Variants in ZFPM2 observed in about 807,000 individuals in gnomAD.
ZFPM2 encodes the protein zinc finger protein, FOG family member 2, also known as zinc finger protein ZFPM2.
Under a neutral mutation model 98.6 loss-of-function variants are expected in ZFPM2, and 20 were observed. That is an observed-to-expected ratio of 0.20 (90% CI 0.14 to 0.29). The LOEUF (loss-of-function observed/expected upper bound fraction) is 0.29, where lower values mean the gene tolerates loss of function less well. Among genes scored for constraint, ZFPM2 ranks in the 10% least tolerant of loss-of-function variants. The pLI, the probability that ZFPM2 is intolerant of heterozygous loss-of-function variation, is 1.00. For missense variants in ZFPM2, 1,310 were observed against 1,388.6 expected (o/e 0.94, Z 0.90); for synonymous variants, 518 against 502.7 (o/e 1.03, Z -0.41).
chr8:105,372,277 C>T (rs554353193), intron 1 of ZFPM2, among the ~76,000 whole-genome samples: 2 of 151,874 alleles, frequency 1.3e-5, no homozygotes, highest in African/African-American at 4.8e-5. Context: ...CTGCTGACTT[C>T]GTGATCCACC....
chr8:105,455,259 A>G (rs955759898), intron 3 of ZFPM2, among the ~76,000 whole-genome samples: 13 of 152,206 alleles, frequency 8.5e-5, no homozygotes, highest in African/African-American at 2.9e-4. Context: ...TCTAGGTAAA[A>G]GGGTTGTAAA....
intron 1 of ZFPM2, among the ~76,000 whole-genome samples, chr8:105,381,689 A>C (rs1810892915): frequency 6.6e-6 from 1 of 152,172 alleles, no homozygotes; most frequent in African/African-American, 2.4e-5. Flanking sequence ...AAGACTATCA[A>C]GTGTGCTAAA....
intron 3 of ZFPM2, among the ~76,000 whole-genome samples, chr8:105,559,306 A>G (rs1193591114): frequency 6.6e-6 from 1 of 152,152 alleles, no homozygotes; most frequent in East Asian, 1.9e-4. Flanking sequence ...TACGTATTCT[A>G]TTTATATCTT....
rs1235132155 is a variant in ZFPM2, at chr8:105,371,419, T to C, written c.41-47725T>C. Among the ~76,000 whole-genome samples the C allele has an allele frequency of 2.6e-5, 4 of 152,132 alleles. No homozygotes were observed. In the South Asian group the frequency reaches 6.2e-4, roughly 24 times the overall value. On this transcript the variant is annotated intron_variant, in intron 1 of 7. Transcript: ENST00000407775. ...GTCTGGAAATAATGGAGGGTGGAGATAGTTACATTGTCAGCATCCAAGAAC... is the reference window on the plus strand; with the variant it reads ...GTCTGGAAATAATGGAGGGTGGAGACAGTTACATTGTCAGCATCCAAGAAC...
At chr8:105,640,458 A>G (rs1295761991) in intron 5 of ZFPM2, among the ~76,000 whole-genome samples, 1 of 152,040 alleles carries the variant, frequency 6.6e-6, no homozygotes, top group African/African-American at 2.4e-5. Flanking sequence ...AAATCATACT[A>G]TGACAGCCTT....
chr8:105,390,632 G>C (rs1391004189), intron 1 of ZFPM2, among the ~76,000 whole-genome samples: 2 of 152,144 alleles, frequency 1.3e-5, no homozygotes, highest in African/African-American at 2.4e-5. Flanking sequence ...GAAAGACAGA[G>C]ACATTCCTAT....
chr8:105,357,273 A>G (rs1302038374), intron 1 of ZFPM2, among the ~76,000 whole-genome samples: 1 of 151,988 alleles, frequency 6.6e-6, no homozygotes, highest in Non-Finnish European at 1.5e-5. Flanking sequence ...ATCCACAGCA[A>G]TTTTTCCTTT....
chr8:105,406,821 C>T (rs1161453231), intron 1 of ZFPM2, among the ~76,000 whole-genome samples: 6 of 151,892 alleles, frequency 4.0e-5, no homozygotes, highest in African/African-American at 7.3e-5. Context: ...CTAGAGGATA[C>T]GACTAGGGAT....
At chr8:105,673,187 C>CTTTTTTTTTTTTTTTTTTTTTT (rs5893754) in intron 5 of ZFPM2, among the ~76,000 whole-genome samples, 11 of 87,526 alleles carry the variant, frequency 1.3e-4, no homozygotes, top group African/African-American at 4.4e-4. Context: ...AAATAGCATG[C>CTTTTTTTTTTTTTTTTTTTTTT]TTTTTTTTTT....
At chr8:105,750,927 C>T (rs977764711) in intron 5 of ZFPM2, among the ~76,000 whole-genome samples, 1 of 152,100 alleles carries the variant, frequency 6.6e-6, no homozygotes, top group Non-Finnish European at 1.5e-5. Context: ...GATATGTTAA[C>T]ACTACCCTTT....
chr8:105,453,209 A>T (rs543272031), intron 3 of ZFPM2, among the ~76,000 whole-genome samples: 3 of 152,336 alleles, frequency 2.0e-5, no homozygotes, highest in African/African-American at 7.2e-5. Context: ...ACTCAGTGGT[A>T]GGCCCTAGGA....
At chr8:105,639,606 A>G (rs1816911361) in intron 5 of ZFPM2, among the ~76,000 whole-genome samples, 1 of 152,126 alleles carries the variant, frequency 6.6e-6, no homozygotes, top group African/African-American at 2.4e-5. Flanking sequence ...TGAAAATGGA[A>G]TAGCAATGGC....
At chr8:105,354,931 G>A (rs1342168613) in intron 1 of ZFPM2, among the ~76,000 whole-genome samples, 1 of 151,972 alleles carries the variant, frequency 6.6e-6, no homozygotes, top group East Asian at 1.9e-4. Flanking sequence ...TCCAGCCTGG[G>A]CGACAGAGCA....
chr8:105,472,001 A>T (rs1414692198), intron 3 of ZFPM2, among the ~76,000 whole-genome samples: 1 of 152,154 alleles, frequency 6.6e-6, no homozygotes. Context: ...CTTGAGCACC[A>T]TCCCAGATAA....
intron 3 of ZFPM2, among the ~76,000 whole-genome samples, chr8:105,449,304 A>G (rs1812439725): frequency 6.6e-6 from 1 of 152,184 alleles, no homozygotes; most frequent in Non-Finnish European, 1.5e-5. Context: ...AAATAAGTAC[A>G]TGTACCCACC....
At chr8:105,403,886 A>G (rs922383018) in intron 1 of ZFPM2, among the ~76,000 whole-genome samples, 3 of 151,942 alleles carry the variant, frequency 2.0e-5, no homozygotes, top group Non-Finnish European at 2.9e-5. Context: ...CCTTATTGAT[A>G]GTTCCTGGTA....
In ZFPM2 at chr8:105,789,861, T is replaced by C. The variant is rs1343720300; in HGVS notation, c.739+937T>C. On this transcript the variant is annotated intron_variant, in intron 6 of 7. Transcript: ENST00000407775. ...TGATGGTGAGCATTTTTTCATGTGTTTTTTGGCTGCATAAATGTCTTCTTT... is the reference window on the plus strand; with the variant it reads ...TGATGGTGAGCATTTTTTCATGTGTCTTTTGGCTGCATAAATGTCTTCTTT... Among the ~76,000 whole-genome samples the C allele has an allele frequency of 1.6e-4, 24 of 150,380 alleles. 1 individual carries two copies. The highest frequency in any genetic ancestry group is 7.3e-4 in the Admixed American group (11 of 15,128).
intron 6 of ZFPM2, among the ~76,000 whole-genome samples, chr8:105,795,356 C>G (rs546671025): frequency 9.0e-6 from 1 of 110,840 alleles, no homozygotes; most frequent in Admixed American, 8.2e-5. Context: ...GAATGTCACA[C>G]ACACACACAC....
chr8:105,558,466 T>G (rs1586461926), intron 3 of ZFPM2, among the ~76,000 whole-genome samples: 1 of 152,284 alleles, frequency 6.6e-6, no homozygotes, highest in Admixed American at 6.5e-5. Context: ...GTGGCCATAT[T>G]TAAGAGCTTG....
Sources: allele counts gnomAD v4.1 joint callset (sites outside exome capture counted in the v4.1 genomes callset), GRCh38; gene constraint gnomAD v4.1.1; transcripts MANE v1.5; gene names NCBI Gene and HGNC (gene_info 2026-07-23, HGNC 2026-07-21).